The following WHAMM variants were observed in gnomAD, a reference collection of about 807,000 sequenced individuals.
The protein encoded by WHAMM is WASP homolog associated with actin, golgi membranes and microtubules.
Under a neutral mutation model 76.5 loss-of-function variants are expected in WHAMM, and 67 were observed. That is an observed-to-expected ratio of 0.88 (90% CI 0.72 to 1.07). WHAMM has a LOEUF of 1.07. Among genes scored for constraint, WHAMM ranks in the 50% least tolerant of loss-of-function variants. The probability of loss-of-function intolerance (pLI) is 0.00; values close to 1 mark genes in which losing one functional copy is unlikely to be tolerated. For synonymous variants in WHAMM, 419 were observed against 422.1 expected (o/e 0.99, Z 0.09); for missense variants, 1,021 against 1,051.1 (o/e 0.97, Z 0.40).
chr15:82,817,265 C>T (rs1566992813), intron 3 of WHAMM, among the ~76,000 whole-genome samples: 2 of 152,144 alleles, frequency 1.3e-5, no homozygotes, highest in East Asian at 3.9e-4. Context: ...GGGAAGTTGG[C>T]AAATTAGGAG....
At chr15:82,819,929 G>GGAGAA (rs922834437) in intron 5 of WHAMM, among the ~76,000 whole-genome samples, 24 of 152,088 alleles carry the variant, frequency 1.6e-4, no homozygotes, top group African/African-American at 5.8e-4. Context: ...GGCTGAGGCA[G>GGAGAA]GAGAATGGCT....
intron 2 of WHAMM, among the ~76,000 whole-genome samples, chr15:82,814,450 C>A (rs2050684280): frequency 6.6e-6 from 1 of 152,100 alleles, no homozygotes; most frequent in South Asian, 2.1e-4. Flanking sequence ...ATACATTTTT[C>A]CTTTCTTCTT....
intron 8 of WHAMM, among the ~76,000 whole-genome samples, chr15:82,829,197 G>A (rs916820843): frequency 6.6e-6 from 1 of 152,214 alleles, no homozygotes; most frequent in Non-Finnish European, 1.5e-5. Flanking sequence ...TCGGCCAGGC[G>A]CCATGGCTCA....
chr15:82,816,960 G>C, intron 3 of WHAMM, 118 bp downstream of exon 3: 1 of 1,026,604 alleles, frequency 9.7e-7, no homozygotes, highest in Non-Finnish European at 1.4e-6. Context: ...TGAGAATTCA[G>C]TGTCAAGCGT....
At chr15:82,827,958 A>C (rs982649211) in intron 8 of WHAMM, among the ~76,000 whole-genome samples, 2 of 152,148 alleles carry the variant, frequency 1.3e-5, no homozygotes, top group Non-Finnish European at 2.9e-5. Context: ...AAAAAAAAAA[A>C]GTAAATAGGG....
chr15:82,815,718 C>T (rs2050715612), intron 2 of WHAMM, among the ~76,000 whole-genome samples: 3 of 152,166 alleles, frequency 2.0e-5, no homozygotes, highest in Non-Finnish European at 2.9e-5. Context: ...ACATTATCAC[C>T]AGCACTTGTT....
rs2051114695 is a variant in WHAMM at position 82,835,364 on chromosome 15, TCCTCC to T, written c.*1830_*1834del. 6.6e-6 allele frequency: 1 copy of T among 152,544 alleles called. No individual in the cohort carries two copies. The highest frequency in any genetic ancestry group is 6.5e-5 in the Admixed American group (1 of 15,286). The allele number at this position is 152,544 out of a possible 1,614,324, so 9.4% of individuals were successfully genotyped here. On this transcript the variant is annotated 3_prime_UTR_variant, in exon 10 of 10. Transcript: ENST00000286760. Reference sequence around the variant, plus strand: ...TGGTCTCGATCTCTTGACCTCGTGATCCTCCCACCTTGGCCTCCCAAATGCTGGGG... The same window carrying T: ...TGGTCTCGATCTCTTGACCTCGTGATCACCTTGGCCTCCCAAATGCTGGGG...
chr15:82,833,776 G>C lies in WHAMM; in HGVS notation c.*240G>C. The C allele has an allele frequency of 2.0e-6, 1 of 489,372 alleles. No homozygotes were observed. The highest frequency in any genetic ancestry group is 2.5e-5 in the South Asian group (1 of 39,586). The allele number at this position is 489,372 out of a possible 1,614,324, so 30.3% of individuals were successfully genotyped here. On this transcript the variant is annotated 3_prime_UTR_variant, in exon 10 of 10. Coordinates refer to ENST00000286760, the MANE Select transcript of WHAMM (RefSeq NM_001080435.3). Reference sequence around the variant, plus strand: ...GCCATCTCGGCTCACCGCAAGCTCCGCTTCCCAGGCTGGGGTGCAGTGGTG... The same window carrying C: ...GCCATCTCGGCTCACCGCAAGCTCCCCTTCCCAGGCTGGGGTGCAGTGGTG...
chr15:82,810,399 T>TC, intron 1 of WHAMM, 64 bp downstream of exon 1: 1 of 1,235,860 alleles, frequency 8.1e-7, no homozygotes, highest in Admixed American at 4.2e-5. Context: ...TGTGGGAGGC[T>TC]CCCCCGGCGC....
chr15:82,809,926 CCAAGCCTGAG>C lies in WHAMM; in HGVS notation c.201_210del (p.Lys68ProfsTer145). On this transcript the variant is annotated frameshift_variant, in exon 1 of 10. Coordinates refer to ENST00000286760, the MANE Select transcript of WHAMM (RefSeq NM_001080435.3). LOFTEE classifies it high-confidence loss of function. ...GCCCGGTTGGGGCCCGAGCCCGAGC[CCAAGCCTGAG>C]GCCGCCGTCTCCCCGTCCAGCTGGG... 6.8e-7 allele frequency: 1 copy of C among 1,471,748 alleles called. No homozygotes were observed. The highest frequency in any genetic ancestry group is 9.0e-7 in the Non-Finnish European group (1 of 1,105,844). 91.2% of individuals were successfully genotyped at this position (1,471,748 alleles called of 1,614,324 possible).
In WHAMM at chr15:82,833,283, A is replaced by G. The variant is rs1567000371; in HGVS notation, c.2177A>G (p.Lys726Arg). 1 of 1,614,060 alleles carries G rather than the reference A, an allele frequency of 6.2e-7. No homozygotes were observed. Among genetic ancestry groups the G allele is most frequent in the East Asian group, 2.2e-5 (1 of 44,896 alleles). ...AGGCATGGCAGAGCTCCTCTCCGGA[A>G]GGTGGAAGTGCCGGCGGTGCGCCCT... ...SLRHGRAPLR[K>R]VEVPAVRPPH... is the part of the protein sequence containing the mutation. The change falls in exon 10 of 10, where the codon AAG (lysine) becomes AGG (arginine). Residue 726 changes from lysine to arginine, a missense_variant. Lys to Arg is a conservative substitution (Grantham distance 26). Transcript: ENST00000286760.
At chr15:82,824,746 G>T (rs984857422) in intron 6 of WHAMM, among the ~76,000 whole-genome samples, 3 of 152,228 alleles carry the variant, frequency 2.0e-5, no homozygotes, top group Non-Finnish European at 4.4e-5. Context: ...GATTAGAGGC[G>T]TGAGCCACTG....
chr15:82,811,564 A>C (rs1276416190), intron 1 of WHAMM, among the ~76,000 whole-genome samples: 1 of 152,216 alleles, frequency 6.6e-6, no homozygotes, highest in Non-Finnish European at 1.5e-5. Context: ...CTAGCCGTTC[A>C]CGTTAGTGTA....
intron 1 of WHAMM, among the ~76,000 whole-genome samples, chr15:82,812,470 C>T (rs537242653): frequency 3.3e-5 from 5 of 152,272 alleles, no homozygotes; most frequent in South Asian, 2.1e-4. Context: ...CCTCGTGATC[C>T]GCCCACCTCA....
At position 82,809,691 on chromosome 15, in the gene WHAMM, G is replaced by A; in HGVS notation, c.-36G>A. 1 of 1,345,278 alleles carries A rather than the reference G, an allele frequency of 7.4e-7. No individual in the cohort carries two copies. Among genetic ancestry groups the A allele is most frequent in the Non-Finnish European group, 9.6e-7 (1 of 1,039,640 alleles). 83.3% of individuals were successfully genotyped at this position (1,345,278 alleles called of 1,614,324 possible). On this transcript the variant is annotated 5_prime_UTR_variant, in exon 1 of 10. Transcript: ENST00000286760. Reference sequence around the variant, plus strand: ...GGCGGTGCGAGGAGGCCAGGCCCGCGCCCGCCGAGCCCTAGGGCCGCTGCT... The same window carrying A: ...GGCGGTGCGAGGAGGCCAGGCCCGCACCCGCCGAGCCCTAGGGCCGCTGCT...
intron 8 of WHAMM, among the ~76,000 whole-genome samples, chr15:82,828,528 T>G (rs2050975178): frequency 6.6e-6 from 1 of 152,102 alleles, no homozygotes; most frequent in African/African-American, 2.4e-5. Context: ...CAAGAGAGTT[T>G]CGATGAACAG....
intron 8 of WHAMM, among the ~76,000 whole-genome samples, chr15:82,828,064 C>T (rs1201922396): frequency 6.6e-6 from 1 of 152,086 alleles, no homozygotes; most frequent in Non-Finnish European, 1.5e-5. Context: ...TATTGTAGCC[C>T]CCAAAAACAA....
rs754994823 is a variant in WHAMM at position 82,833,458 on chromosome 15, G to T, written c.2352G>T (p.Ala784=). The T allele has an allele frequency of 3.7e-6, 6 of 1,613,890 alleles. No homozygotes were observed. In the Admixed American group the frequency reaches 6.7e-5, roughly 18 times the overall value. The change falls in exon 10 of 10, where the codon GCG becomes GCT. Residue 784 remains alanine, a synonymous_variant. Transcript: ENST00000286760. Reference sequence around the variant, plus strand: ...ACCTTGAGAGGAGCATCAAGGCTGCGCTCCAGAGAATCAAGAGGGTGTCTG... The same window carrying T: ...ACCTTGAGAGGAGCATCAAGGCTGCTCTCCAGAGAATCAAGAGGGTGTCTG... ...TSDLERSIKA[A]LQRIKRVSAD... is the part of the protein sequence containing the mutation.
Position 82,835,615 on chromosome 15 carries a change from C to T in WHAMM, c.*2079C>T, listed in dbSNP as rs1024780384. On this transcript the variant is annotated 3_prime_UTR_variant, in exon 10 of 10. Transcript: ENST00000286760. ...GTGCTACCTTTTCAGAATGCAAATC[C>T]AACTCCTGTGTATGAATGAATGTGC... 1 of 152,476 alleles carries T rather than the reference C, an allele frequency of 6.6e-6. No homozygotes were observed. Among genetic ancestry groups the T allele is most frequent in the African/African-American group, 2.4e-5 (1 of 41,468 alleles). The allele number at this position is 152,476 out of a possible 1,614,324, so 9.4% of individuals were successfully genotyped here.
Sources: allele counts gnomAD v4.1 joint callset (sites outside exome capture counted in the v4.1 genomes callset), GRCh38; gene constraint gnomAD v4.1.1; transcripts MANE v1.5; gene names NCBI Gene and HGNC (gene_info 2026-07-23, HGNC 2026-07-21).